Variants in MUC4 observed in about 807,000 individuals in gnomAD.
MUC4 encodes mucin-4.
Under a neutral mutation model 257.9 loss-of-function variants are expected in MUC4, and 202 were observed. The observed-to-expected ratio is 0.78, with a 90% CI of 0.70 to 0.88. The LOEUF (loss-of-function observed/expected upper bound fraction) is 0.88. Among genes scored for constraint, MUC4 ranks in the 40% least tolerant of loss-of-function variants. The probability of loss-of-function intolerance (pLI) is 0.00; values close to 1 mark genes in which losing one functional copy is unlikely to be tolerated. For missense variants in MUC4, 5,976 were observed against 6,513.7 expected, an observed-to-expected ratio of 0.92 and a Z score of 2.84; for synonymous variants, 2,351 against 2,757.1, an observed-to-expected ratio of 0.85 and a Z score of 4.62.
chr3:195,783,162 A>T lies in MUC4; in HGVS notation c.8418T>A (p.Ala2806=). Residue 2806 remains alanine (A), a synonymous_variant, in exon 2 of 25, where the codon GCT becomes GCA. Transcript: ENST00000463781. ...GHTTPLPVTD[A]SSVSTGHATS... ...TGGCGTGACCTGTGGACACTGACGA[A>T]GCGTCGGTGACAGGAAGAGGGGTGG... 3 of 1,438,626 alleles carry T rather than the reference A, an allele frequency of 2.1e-6. No homozygotes were observed. Among genetic ancestry groups the T allele is most frequent in the South Asian group, 2.5e-5 (2 of 81,078 alleles). 89.1% of individuals were successfully genotyped at this position (1,438,626 alleles called of 1,614,324 possible). A position where few individuals can be genotyped will look rare whatever the true frequency, so the allele number is the denominator to read the frequency against.
At chr3:195,762,831 G>C in intron 13 of MUC4, 24 bp downstream of exon 13, 1 of 1,512,886 alleles carries the variant, frequency 6.6e-7, no homozygotes, top group Non-Finnish European at 8.9e-7. Flanking sequence ...GCGGGGAGGG[G>C]GCGGCCGGCG....
chr3:195,773,347 C>T (rs1294345640), intron 4 of MUC4, among the ~76,000 whole-genome samples: 1 of 141,942 alleles, frequency 7.0e-6, no homozygotes, highest in Non-Finnish European at 1.5e-5. Context: ...CCCCCTCCAT[C>T]GCTCAGGGGT....
At position 195,752,434 on chromosome 3, in the gene MUC4, C is replaced by G; in HGVS notation, c.15521G>C (p.Arg5174Thr). The stretch of plus-strand genomic sequence containing the variant: ...TTCACTGAGCAAGAGCTGGATGACT[C>G]TTAAGGGAAGTTCTGGAGATGGGAG... ...SPTVNLELPL[R>T]VIQLLLSEEE... The change falls in exon 21 of 25, where the codon AGA becomes ACA. Residue 5174 changes from arginine (R) to threonine (T), a missense_variant. Physicochemically the swap from Arg to Thr is moderately conservative, Grantham distance 71. Around this residue, in one of 44 missense-constraint regions of MUC4, gnomAD observed 996 missense variants for 1,137.3 expected, o/e 0.88. Transcript: ENST00000463781. The G allele has an allele frequency of 6.2e-7, 1 of 1,613,974 alleles. No homozygotes were observed. The highest frequency in any genetic ancestry group is 8.5e-7 in the Non-Finnish European group (1 of 1,179,788).
intron 11 of MUC4, 31 bp downstream of exon 11, chr3:195,764,014 G>A: frequency 6.3e-7 from 1 of 1,595,898 alleles, no homozygotes; most frequent in Non-Finnish European, 8.5e-7. Context: ...CTCCCCAGAG[G>A]CTCTTCCTGG....
chr3:195,764,369 A>C (rs1419695712), intron 10 of MUC4, among the ~76,000 whole-genome samples: 1 of 151,920 alleles, frequency 6.6e-6, no homozygotes, highest in Non-Finnish European at 1.5e-5. Flanking sequence ...TGGCAAGAGC[A>C]TGGCTTTGGA....
Position 195,765,323 on chromosome 3 carries a change from G to C in MUC4, c.13745C>G (p.Pro4582Arg). 6.2e-7 allele frequency: 1 copy of C among 1,613,872 alleles called. No homozygotes were observed. Among genetic ancestry groups the C allele is most frequent in the Non-Finnish European group, 8.5e-7 (1 of 1,179,994 alleles). Residue 4582 changes from proline (P) to arginine (R), a missense_variant, in exon 9 of 25, where the codon CCT becomes CGT. Coordinates refer to ENST00000463781, the MANE Select transcript of MUC4 (RefSeq NM_018406.7). Reference sequence around the variant, plus strand: ...CCGTCGTCCCTGCTGCCAGGAACAAGGGCAGGAGACCTGGTTCCAGCCCCA... The same window carrying C: ...CCGTCGTCCCTGCTGCCAGGAACAACGGCAGGAGACCTGGTTCCAGCCCCA... Reference protein sequence around the residue: ...PSWGWNQVSCPCSWQQGRRDL... With the variant: ...PSWGWNQVSCRCSWQQGRRDL...
At chr3:195,768,967 G>T in intron 7 of MUC4, 55 bp downstream of exon 7, 1 of 1,573,348 alleles carries the variant, frequency 6.4e-7, no homozygotes, top group Non-Finnish European at 8.7e-7. Context: ...AGCGAAAGCC[G>T]ACTCTACACC....
At chr3:195,805,896 A>C (rs1253489694) in intron 1 of MUC4, among the ~76,000 whole-genome samples, 1 of 150,982 alleles carries the variant, frequency 6.6e-6, no homozygotes, top group South Asian at 2.1e-4. Context: ...TAAGCAGATC[A>C]CTTGAGGTCA....
At position 195,774,268 on chromosome 3, in the gene MUC4, G is replaced by A; in HGVS notation, c.12981C>T (p.Asp4327=). The part of the protein sequence containing the change: ...SLFPYGAGAG[D]LEFVRRTVDF... The stretch of plus-strand genomic sequence containing the variant: ...CCACGGTCCTCCTGACGAACTCCAG[G>A]TCCCCGGCGCCTGCCCCATAGGGGA... The change falls in exon 4 of 25, where the codon GAC becomes GAT. Residue 4327 remains aspartate, a synonymous_variant. Transcript: ENST00000463781. 1 of 1,593,698 alleles carries A rather than the reference G, an allele frequency of 6.3e-7. No homozygotes were observed. Among genetic ancestry groups the A allele is most frequent in the East Asian group, 2.3e-5 (1 of 43,890 alleles).
At chr3:195,778,476 G>A (rs776720126) in intron 2 of MUC4, 21 bp from the exon 3 acceptor site, 1 of 1,608,870 alleles carries the variant, frequency 6.2e-7, no homozygotes, top group Admixed American at 1.7e-5. Context: ...GAAAAGACAA[G>A]GCGGGGTGTT....
rs1168745968 is a variant in MUC4, at chr3:195,786,481, G to A, written c.5099C>T (p.Thr1700Ile). ...TTDDTTRLPVTDVSSASTGQA... is the reference protein window; with the variant it reads ...TTDDTTRLPVIDVSSASTGQA... ...ACCTGTGGATGCCGAGGAAACGTCGGTGACAGGAAGACGGGTGGTGTCATC... is the reference window on the plus strand; with the variant it reads ...ACCTGTGGATGCCGAGGAAACGTCGATGACAGGAAGACGGGTGGTGTCATC... The change falls in exon 2 of 25, where the codon ACC becomes ATC. Residue 1700 changes from threonine to isoleucine, a missense_variant. Around this residue, in one of 44 missense-constraint regions of MUC4, gnomAD observed 138 missense variants for 107.8 expected, o/e 1.28. Coordinates refer to ENST00000463781, the MANE Select transcript of MUC4 (RefSeq NM_018406.7). 5 of 1,527,054 alleles carry A rather than the reference G, an allele frequency of 3.3e-6. No homozygotes were observed. The highest frequency in any genetic ancestry group is 4.4e-6 in the Non-Finnish European group (5 of 1,132,512). The allele number at this position is 1,527,054 out of a possible 1,614,324, so 94.6% of individuals were successfully genotyped here.
In MUC4 at chr3:195,759,211, C is replaced by T; in HGVS notation, c.14899G>A (p.Gly4967Arg). 6.2e-7 allele frequency: 1 copy of T among 1,614,058 alleles called. No homozygotes were observed. The highest frequency in any genetic ancestry group is 2.2e-5 in the East Asian group (1 of 44,870). ...GTGTACTGAATCAGCGTGGTCTGCCCCTTGTAGGCTTCAATCACACGACCA... is the reference window on the plus strand; with the variant it reads ...GTGTACTGAATCAGCGTGGTCTGCCTCTTGTAGGCTTCAATCACACGACCA... ...NGGRVIEAYK[G>R]QTTLIQYTSN... Residue 4967 changes from glycine to arginine, a missense_variant, in exon 17 of 25, where the codon GGG becomes AGG. Coordinates refer to ENST00000463781, the MANE Select transcript of MUC4 (RefSeq NM_018406.7).
chr3:195,763,609 AGGT>A lies in MUC4; in HGVS notation c.14074_14076del (p.Thr4692del). The stretch of plus-strand genomic sequence containing the variant: ...TTGAAGGTGTAACTGACACCATCCA[AGGT>A]GGTGATGTGGGGGTCCCCGAACATC... On this transcript the variant is annotated inframe_deletion, in exon 12 of 25. Coordinates refer to ENST00000463781, the MANE Select transcript of MUC4 (RefSeq NM_018406.7). The A allele has an allele frequency of 6.4e-7, 1 of 1,567,914 alleles. No individual in the cohort carries two copies. The highest frequency in any genetic ancestry group is 8.7e-7 in the Non-Finnish European group (1 of 1,151,990).
chr3:195,765,560 C>T (rs1720275066), intron 8 of MUC4, 111 bp from the exon 9 acceptor site: 2 of 1,114,792 alleles, frequency 1.8e-6, no homozygotes, highest in Non-Finnish European at 2.5e-6. Context: ...TGCCACTTCT[C>T]ACCTCTTTGG....
chr3:195,781,121 TGGTGTG>T lies in MUC4; in HGVS notation c.10453_10458del (p.His3485_Thr3486del). 1 of 1,477,894 alleles carries T rather than the reference TGGTGTG, an allele frequency of 6.8e-7. No individual in the cohort carries two copies. The allele number at this position is 1,477,894 out of a possible 1,614,324, so 91.5% of individuals were successfully genotyped here. ...GAAGGGATGGTGACATGAAGAGGGG[TGGTGTG>T]ACCTGTAGATGCTGAGGAAGGGCTG... On this transcript the variant is annotated inframe_deletion, in exon 2 of 25. Transcript: ENST00000463781.
At chr3:195,778,604 G>T in intron 2 of MUC4, 149 bp from the exon 3 acceptor site, 2 of 1,296,262 alleles carry the variant, frequency 1.5e-6, no homozygotes, top group Non-Finnish European at 2.1e-6. Flanking sequence ...CGACATCAGT[G>T]CTTTTCGATT....
In MUC4 at chr3:195,811,715, TCTG is replaced by T. The variant is rs1736776469; in HGVS notation, c.82+18_82+20del. On this transcript the variant is annotated intron_variant, in intron 1 of 24. Coordinates refer to ENST00000463781, the MANE Select transcript of MUC4 (RefSeq NM_018406.7). ...CAAGTGCTCCCCGCAGCCAGCCTCA[TCTG>T]CTGTCTCCATCACTTACCTGGGACC... is the stretch of plus-strand genomic sequence containing the variant. 2.5e-6 allele frequency: 4 copies of T among 1,612,520 alleles called. No homozygotes were observed. Among genetic ancestry groups the T allele is most frequent in the Non-Finnish European group, 3.4e-6 (4 of 1,179,022 alleles).
chr3:195,782,175 G>A lies in MUC4; in HGVS notation c.9405C>T (p.Thr3135=), dbSNP rs769389598. ...DTSSASTGQA[T]ALPVTSTSSA... is the part of the protein sequence containing the mutation. The stretch of plus-strand genomic sequence containing the variant: ...AGGAAGTGCTGGTGACAGGAAGAGC[G>A]GTGGCCTGACCTGTGGATGCTGAGG... Residue 3135 remains threonine, a synonymous_variant, in exon 2 of 25, where the codon ACC becomes ACT. Coordinates refer to ENST00000463781, the MANE Select transcript of MUC4 (RefSeq NM_018406.7). The A allele has an allele frequency of 3.1e-5, 42 of 1,371,404 alleles. 3 individuals carry two copies. Among genetic ancestry groups the A allele is most frequent in the East Asian group, 3.0e-4 (8 of 26,648 alleles). 85.0% of individuals were successfully genotyped at this position (1,371,404 alleles called of 1,614,324 possible).
chr3:195,789,944 T>C lies in MUC4; in HGVS notation c.1636A>G (p.Thr546Ala). ...VSAIGEPGEP[T>A]TYSSHSTTLP... ...GTTGTGCTGTGGGAGGAGTATGTGGTGGGCTCTCCTGGTTCCCCTATTGCT... is the reference window on the plus strand; with the variant it reads ...GTTGTGCTGTGGGAGGAGTATGTGGCGGGCTCTCCTGGTTCCCCTATTGCT... Residue 546 changes from threonine (T) to alanine (A), a missense_variant, in exon 2 of 25, where the codon ACC becomes GCC. Physicochemically the swap from Thr to Ala is moderately conservative, Grantham distance 58 (BLOSUM62 0). Coordinates refer to ENST00000463781, the MANE Select transcript of MUC4 (RefSeq NM_018406.7). 3 of 1,613,982 alleles carry C rather than the reference T, an allele frequency of 1.9e-6. No individual in the cohort carries two copies. Among genetic ancestry groups the C allele is most frequent in the Non-Finnish European group, 2.5e-6 (3 of 1,179,882 alleles).
Sources: allele counts gnomAD v4.1 joint callset (sites outside exome capture counted in the v4.1 genomes callset), GRCh38; gene constraint gnomAD v4.1.1; regional missense constraint gnomAD v4.1.1; transcripts MANE v1.5; gene names NCBI Gene and HGNC (gene_info 2026-07-23, HGNC 2026-07-21).